Variants in ARMC2 observed in about 807,000 individuals in gnomAD.
The protein encoded by ARMC2 is armadillo repeat containing 2.
A neutral mutation model predicts 90.3 loss-of-function variants in ARMC2; 67 were observed. The ratio of observed to expected loss-of-function variants is 0.74; its 90% CI spans 0.61 to 0.91. The LOEUF (loss-of-function observed/expected upper bound fraction) is 0.91. ARMC2 is among the 40% of genes least tolerant of loss of function. The pLI is 0.00. For synonymous variants in ARMC2, 393 were observed against 393.0 expected (o/e 1.00, Z 0.00); for missense variants, 920 against 1,030.9 (o/e 0.89, Z 1.47).
At chr6:108,855,609 G>C (rs1442311387) in intron 2 of ARMC2, among the ~76,000 whole-genome samples, 1 of 152,218 alleles carries the variant, frequency 6.6e-6, no homozygotes, top group Non-Finnish European at 1.5e-5. Flanking sequence ...CATATGGGAA[G>C]ATTGCGTTTA....
At chr6:109,043,558 T>C in the ARMC2 span, among the ~76,000 whole-genome samples, 1 of 152,176 alleles carries the variant, frequency 6.6e-6, no homozygotes, top group African/African-American at 2.4e-5. Flanking sequence ...CAAGAGTGAA[T>C]TGCTTTTCTA....
chr6:108,951,840 G>A (rs572824954), intron 12 of ARMC2, among the ~76,000 whole-genome samples: 25 of 152,338 alleles, frequency 1.6e-4, no homozygotes, highest in East Asian at 1.2e-3. Context: ...GTTTATGGTC[G>A]TCCCTTCTGG....
intron 17 of ARMC2, among the ~76,000 whole-genome samples, chr6:108,965,824 T>A (rs1050812374): frequency 6.8e-5 from 10 of 147,148 alleles, no homozygotes; most frequent in Admixed American, 3.4e-4. Context: ...AAAAAAAAAT[T>A]TTTTTTTTTG....
chr6:108,997,668 G>A, the ARMC2 span, among the ~76,000 whole-genome samples: 5 of 152,062 alleles, frequency 3.3e-5, no homozygotes, highest in Admixed American at 2.0e-4. Context: ...TAACTTGCCC[G>A]AAGTCAAATA....
At position 108,932,609 on chromosome 6, in the gene ARMC2, A is replaced by C. The variant is rs535353997; in HGVS notation, c.1497-4291A>C. Among the ~76,000 whole-genome samples the C allele has an allele frequency of 2.2e-5, 3 of 137,812 alleles. No homozygotes were observed. In the South Asian group the frequency reaches 6.8e-4, roughly 31 times the overall value. The allele number at this position is 137,812 out of a possible 152,430, so 90.4% of individuals were successfully genotyped here. ...AGTGGCGCGGTCTCGGCTCACTGCA[A>C]GCTCTGCCTCCCGGGTTCACACCAT... On this transcript the variant is annotated intron_variant, in intron 11 of 17. Coordinates refer to ENST00000392644, the MANE Select transcript of ARMC2 (RefSeq NM_032131.6).
intron 5 of ARMC2, among the ~76,000 whole-genome samples, chr6:108,890,540 CAT>C (rs1246220223): frequency 1.3e-5 from 2 of 151,806 alleles, no homozygotes; most frequent in African/African-American, 2.4e-5. Context: ...GCCTGGTCAA[CAT>C]AGCAAGCTCC....
chr6:108,994,754 G>A, the ARMC2 span: 1 of 635,082 alleles, frequency 1.6e-6, no homozygotes, highest in East Asian at 4.1e-5. Flanking sequence ...CCAGGCTGCA[G>A]TGCAGTGGCG....
At chr6:108,960,082 C>G (rs1777881189) in intron 13 of ARMC2, among the ~76,000 whole-genome samples, 2 of 152,210 alleles carry the variant, frequency 1.3e-5, no homozygotes, top group African/African-American at 2.4e-5. Context: ...CCCTCCTCTC[C>G]TGGGGGTGCT....
chr6:108,938,017 T>C (rs545717296), intron 12 of ARMC2, among the ~76,000 whole-genome samples: 2 of 152,316 alleles, frequency 1.3e-5, no homozygotes, highest in South Asian at 4.1e-4. Context: ...TTAATTTTTA[T>C]TATAAGTTTT....
At chr6:108,889,383 C>T (rs1287143432) in intron 5 of ARMC2, among the ~76,000 whole-genome samples, 3 of 151,896 alleles carry the variant, frequency 2.0e-5, no homozygotes, top group Admixed American at 6.5e-5. Context: ...TGACCTCAGG[C>T]GATCCGCCTG....
intron 5 of ARMC2, among the ~76,000 whole-genome samples, chr6:108,885,227 G>GGTGTGTGTGTGT (rs61665393): frequency 1.3e-5 from 2 of 149,714 alleles, no homozygotes; most frequent in African/African-American, 4.9e-5. Context: ...GGTGCCAAGG[G>GGTGTGTGTGTGT]GTGTGTGTGT....
the ARMC2 span, among the ~76,000 whole-genome samples, chr6:109,038,911 AAGGAGGAGG>A: frequency 6.7e-6 from 1 of 149,790 alleles, no homozygotes; most frequent in African/African-American, 2.5e-5. Context: ...AGAAAAAAGG[AAGGAGGAGG>A]AGGAGGAGAA....
chr6:108,879,991 G>A (rs1429222966), intron 5 of ARMC2: 4 of 465,564 alleles, frequency 8.6e-6, no homozygotes, highest in Non-Finnish European at 8.9e-6. Context: ...ACTATCGAGT[G>A]CTCTTAGTAT....
At chr6:108,912,212 T>C in intron 9 of ARMC2, 123 bp from the exon 10 acceptor site, 1 of 735,690 alleles carries the variant, frequency 1.4e-6, no homozygotes, top group East Asian at 2.8e-5. Flanking sequence ...TAACAAGCAC[T>C]TGAATGTAGA....
intron 5 of ARMC2, among the ~76,000 whole-genome samples, chr6:108,881,364 G>A (rs1777567139): frequency 1.2e-5 from 1 of 86,030 alleles, no homozygotes; most frequent in Non-Finnish European, 2.3e-5. Flanking sequence ...TGGTACTTTA[G>A]ATTAGGTTTT....
At chr6:109,010,171 A>G in the ARMC2 span, among the ~76,000 whole-genome samples, 1 of 152,198 alleles carries the variant, frequency 6.6e-6, no homozygotes, top group African/African-American at 2.4e-5. Context: ...CGAAGGCTTT[A>G]CAATTTCTAA....
chr6:108,901,827 T>C (rs1031736009), intron 7 of ARMC2, among the ~76,000 whole-genome samples: 14 of 152,226 alleles, frequency 9.2e-5, no homozygotes, highest in African/African-American at 3.4e-4. Flanking sequence ...ATTTCCTTTG[T>C]AGAAAAAATA....
At chr6:108,919,574 T>G (rs1774342566) in intron 10 of ARMC2, among the ~76,000 whole-genome samples, 1 of 152,194 alleles carries the variant, frequency 6.6e-6, no homozygotes, top group Non-Finnish European at 1.5e-5. Flanking sequence ...TTTTGAAGGT[T>G]TTGCTTGAAT....
At chr6:108,978,386 C>T (rs776303576), downstream of ARMC2, among the ~76,000 whole-genome samples, 1 of 152,038 alleles carries the variant, frequency 6.6e-6, no homozygotes, top group Non-Finnish European at 1.5e-5. Context: ...CTGTTCTTTT[C>T]CATCTGCTGA....
Sources: allele counts gnomAD v4.1 joint callset (sites outside exome capture counted in the v4.1 genomes callset), GRCh38; gene constraint gnomAD v4.1.1; transcripts MANE v1.5; gene names NCBI Gene and HGNC (gene_info 2026-07-23, HGNC 2026-07-21).